The following DNM3 variants were observed in gnomAD, a reference collection of about 807,000 sequenced individuals.
DNM3 encodes the protein dynamin-3.
In DNM3, 47 loss-of-function variants were observed where a neutral mutation model predicts 101.6. The observed-to-expected ratio is 0.46, with a 90% CI of 0.37 to 0.59. The LOEUF is 0.59. Ranked by LOEUF, DNM3 falls within the 20% of genes least tolerant of loss-of-function variation. The pLI is 0.00. For missense variants in DNM3, 849 were observed against 1,085.7 expected (o/e 0.78, Z 3.06); for synonymous variants, 385 against 387.9 (o/e 0.99, Z 0.09).
At chr1:171,951,922 G>T (rs2042552842) in intron 2 of DNM3, among the ~76,000 whole-genome samples, 1 of 152,150 alleles carries the variant, frequency 6.6e-6, no homozygotes, top group South Asian at 2.1e-4. Flanking sequence ...GTGTACATTG[G>T]TTCAGCCTAA....
chr1:172,144,655 T>TA (rs2057780761), intron 14 of DNM3: 1 of 529,314 alleles, frequency 1.9e-6, no homozygotes, highest in Admixed American at 2.0e-5. Flanking sequence ...TCTATGTACT[T>TA]AAAATCCTCT....
At chr1:172,013,284 T>TA (rs1242547620) in intron 4 of DNM3, among the ~76,000 whole-genome samples, 1 of 152,178 alleles carries the variant, frequency 6.6e-6, no homozygotes, top group East Asian at 1.9e-4. Context: ...TCAGTGTTTT[T>TA]ATAGGAAAAT....
intron 20 of DNM3, among the ~76,000 whole-genome samples, chr1:172,400,628 CAAT>C (rs1311304867): frequency 6.6e-6 from 1 of 152,136 alleles, no homozygotes; most frequent in African/African-American, 2.4e-5. Context: ...TTTATAATCT[CAAT>C]GATATAGTAC....
chr1:172,113,477 G>A (rs1027410118), intron 13 of DNM3, among the ~76,000 whole-genome samples: 1 of 151,796 alleles, frequency 6.6e-6, no homozygotes, highest in Non-Finnish European at 1.5e-5. Context: ...AAAATTAGTC[G>A]GGCCTGGTGG....
At chr1:172,213,479 TAAAC>T (rs2060580644) in intron 14 of DNM3, among the ~76,000 whole-genome samples, 1 of 73,476 alleles carries the variant, frequency 1.4e-5, no homozygotes, top group African/African-American at 7.2e-5. Context: ...AACAAAAAGT[TAAAC>T]AAAGCTTACA....
At chr1:172,349,191 G>T (rs754950795) in intron 17 of DNM3, among the ~76,000 whole-genome samples, 1 of 152,050 alleles carries the variant, frequency 6.6e-6, no homozygotes, top group African/African-American at 2.4e-5. Flanking sequence ...GCTATATACT[G>T]ACTATTTTCT....
intron 1 of DNM3, chr1:171,864,734 C>G (rs570234390): frequency 2.2e-4 from 34 of 152,112 alleles, no homozygotes; most frequent in Middle Eastern, 6.8e-3. Flanking sequence ...TAAATTCCCT[C>G]CTTAAAAATT....
rs538512954 is a variant in DNM3 at position 172,216,667 on chromosome 1, A to C, written c.1660-36906A>C. 7.9e-5 allele frequency among the ~76,000 whole-genome samples: 12 copies of C among 152,202 alleles called. No individual in the cohort carries two copies. The East Asian group carries it at 1.7e-3, about 22-fold the overall frequency. On this transcript the variant is annotated intron_variant, in intron 14 of 20. Coordinates refer to ENST00000627582, the MANE Select transcript of DNM3 (RefSeq NM_015569.5). ...GAATTTAACTCCTTGGGCAAATGTA[A>C]CGTTCTTTTTACTTCTGTGATTGCT...
chr1:172,042,163 T>C lies in DNM3; in HGVS notation c.1128+19T>C. ...AGTAAAGGTTTGTGTCAAACGTTAT[T>C]TTTTTCTTAGTTTCACTTCACTTCC... On this transcript the variant is annotated intron_variant, in intron 8 of 20. Transcript: ENST00000627582. 6.3e-7 allele frequency: 1 copy of C among 1,577,720 alleles called. No homozygotes were observed. Among genetic ancestry groups the C allele is most frequent in the East Asian group, 2.2e-5 (1 of 44,614 alleles).
chr1:172,015,949 G>A (rs917619417), intron 4 of DNM3, among the ~76,000 whole-genome samples: 3 of 151,854 alleles, frequency 2.0e-5, no homozygotes, highest in Non-Finnish European at 2.9e-5. Context: ...GCCAAGGTGG[G>A]TGGATCACCT....
At chr1:171,872,913 A>C (rs2035430770) in intron 1 of DNM3, among the ~76,000 whole-genome samples, 1 of 152,210 alleles carries the variant, frequency 6.6e-6, no homozygotes, top group Non-Finnish European at 1.5e-5. Context: ...ATTTGTAAAA[A>C]CATGAACTGT....
At chr1:172,210,401 C>T (rs2060475200) in intron 14 of DNM3, among the ~76,000 whole-genome samples, 1 of 146,052 alleles carries the variant, frequency 6.8e-6, no homozygotes, top group African/African-American at 2.5e-5. Flanking sequence ...TGACATTTGC[C>T]TCCCTAAAGG....
intron 2 of DNM3, among the ~76,000 whole-genome samples, chr1:171,957,008 A>G (rs1401956004): frequency 1.3e-5 from 2 of 151,538 alleles, no homozygotes; most frequent in Admixed American, 6.6e-5. Flanking sequence ...CCACAAAAGC[A>G]TTTTTTCCTC....
chr1:171,958,518 T>A (rs2043005872), intron 2 of DNM3, among the ~76,000 whole-genome samples: 1 of 152,178 alleles, frequency 6.6e-6, no homozygotes, highest in African/African-American at 2.4e-5. Flanking sequence ...ATAGTGTGTC[T>A]GTGTGAGTTT....
intron 15 of DNM3, among the ~76,000 whole-genome samples, chr1:172,299,457 G>A (rs953665841): frequency 1.3e-5 from 2 of 152,128 alleles, no homozygotes; most frequent in African/African-American, 4.8e-5. Flanking sequence ...ATGACGCTGA[G>A]GTTTGGTGTA....
intron 15 of DNM3, 41 bp from the exon 16 acceptor site, chr1:172,308,687 G>A (rs1246506983): frequency 8.3e-7 from 1 of 1,200,528 alleles, no homozygotes. Context: ...TTTGAATTTG[G>A]TTCAAACTAA....
At chr1:171,997,798 G>A (rs2046098217) in intron 4 of DNM3, among the ~76,000 whole-genome samples, 1 of 152,040 alleles carries the variant, frequency 6.6e-6, no homozygotes, top group African/African-American at 2.4e-5. Context: ...TTATCTTCTT[G>A]TTTCTCCACC....
intron 1 of DNM3, among the ~76,000 whole-genome samples, chr1:171,867,625 TCTA>T (rs2034884355): frequency 6.6e-6 from 1 of 152,248 alleles, no homozygotes; most frequent in African/African-American, 2.4e-5. Context: ...TTCCTTTGGA[TCTA>T]CTTTTATTTA....
intron 17 of DNM3, among the ~76,000 whole-genome samples, chr1:172,331,250 T>A (rs970365376): frequency 2.6e-5 from 4 of 152,170 alleles, no homozygotes; most frequent in African/African-American, 9.7e-5. Flanking sequence ...ATGTATACTG[T>A]CTAAGGATTA....
Sources: gnomAD v4.1 joint callset for allele counts (sites outside exome capture counted in the v4.1 genomes callset) on GRCh38, gnomAD v4.1.1 for gene constraint, MANE v1.5 for transcripts, NCBI Gene and HGNC (gene_info 2026-07-23, HGNC 2026-07-21) for gene names.